Variants in RSPH6A observed in about 807,000 individuals in gnomAD.
RSPH6A encodes radial spoke head protein 6 homolog A.
RSPH6A carries 49 observed loss-of-function variants against 66.1 expected under a neutral mutation model. The observed-to-expected ratio is 0.74, with a 90% CI of 0.59 to 0.94. The LOEUF (loss-of-function observed/expected upper bound fraction) is 0.94, where lower values mean the gene tolerates loss of function less well. RSPH6A is among the 40% of genes least tolerant of loss of function. RSPH6A has a pLI of 0.00. For missense variants in RSPH6A, 977 were observed against 948.3 expected (o/e 1.03, Z -0.40); for synonymous variants, 419 against 402.4 (o/e 1.04, Z -0.49).
chr19:45,804,171 G>C lies in RSPH6A; in HGVS notation c.1653+81C>G, dbSNP rs1347519676. Reference sequence around the variant, plus strand: ...ATATTAGTTGCCCAGCAGAGAGTAAGAGCTTGATGTCAGTATTGCAGGGTC... The same window carrying C: ...ATATTAGTTGCCCAGCAGAGAGTAACAGCTTGATGTCAGTATTGCAGGGTC... On this transcript the variant is annotated intron_variant, in intron 3 of 5. Transcript: ENST00000221538. The surrounding 1 kb of genome is among the most constrained non-coding windows in gnomAD (Gnocchi z 5.8). 2 of 1,108,680 alleles carry C rather than the reference G, an allele frequency of 1.8e-6. No individual in the cohort carries two copies. The highest frequency in any genetic ancestry group is 2.4e-5 in the East Asian group (1 of 42,000). The allele number at this position is 1,108,680 out of a possible 1,614,324, so 68.7% of individuals were successfully genotyped here. A position where few individuals can be genotyped will look rare whatever the true frequency, so the allele number is the denominator to read the frequency against.
At position 45,795,867 on chromosome 19, in the gene RSPH6A, C is replaced by G. The variant is rs775888978; in HGVS notation, c.*2G>C. On this transcript the variant is annotated 3_prime_UTR_variant, in exon 6 of 6. Transcript: ENST00000221538. ...TTGGGGAAAGTGGCTAGAGGGTGGG[C>G]CTCAGTCATCTGTCTCCTCGCCCTC... is the stretch of plus-strand genomic sequence containing the variant. 1 of 1,339,980 alleles carries G rather than the reference C, an allele frequency of 7.5e-7. No individual in the cohort carries two copies. The highest frequency in any genetic ancestry group is 1.6e-5 in the African/African-American group (1 of 63,086). The allele number at this position is 1,339,980 out of a possible 1,614,324, so 83.0% of individuals were successfully genotyped here.
At chr19:45,809,886 A>G (rs1215605890) in intron 2 of RSPH6A, among the ~76,000 whole-genome samples, 1 of 152,246 alleles carries the variant, frequency 6.6e-6, no homozygotes, top group African/African-American at 2.4e-5. Context: ...GAGAGAAATA[A>G]GAGCCTTGCC....
chr19:45,812,160 T>C lies in RSPH6A; in HGVS notation c.651-1320A>G, dbSNP rs1019623130. 4.6e-5 allele frequency among the ~76,000 whole-genome samples: 7 copies of C among 151,944 alleles called. No homozygotes were observed. In the East Asian group the frequency reaches 1.4e-3, roughly 29 times the overall value. ...AGGCTGGAGTGCAGTGGCTCGGTCT[T>C]GGCTCACTGCAACCTCTGGTTCCCG... On this transcript the variant is annotated intron_variant, in intron 1 of 5. Transcript: ENST00000221538.
At position 45,814,714 on chromosome 19, in the gene RSPH6A, C is replaced by T. The variant is rs1416970485; in HGVS notation, c.463G>A (p.Asp155Asn). ...TGCTGGGCACCTTCAGAGAACTGGT[C>T]TGTCTGGTAGAGGTTGAACTGGCCC... is the stretch of plus-strand genomic sequence containing the variant. ...PLGQFNLYQT[D>N]QFSEGAQHGP... Residue 155 changes from aspartate (D) to asparagine (N), a missense_variant, in exon 1 of 6, where the codon GAC becomes AAC. Transcript: ENST00000221538. The T allele has an allele frequency of 1.9e-6, 3 of 1,613,406 alleles. No individual in the cohort carries two copies. The highest frequency in any genetic ancestry group is 1.7e-6 in the Non-Finnish European group (2 of 1,179,662).
Position 45,815,286 on chromosome 19 carries a change from T to C in RSPH6A, c.-110A>G. ...TCTGAGCACCGAGAGAGGGGGCCGT[T>C]ACCCGTGGAGGGCGCGGGGAGCGGG... On this transcript the variant is annotated 5_prime_UTR_variant, in exon 1 of 6. Coordinates refer to ENST00000221538, the MANE Select transcript of RSPH6A (RefSeq NM_030785.4). 1 of 1,284,974 alleles carries C rather than the reference T, an allele frequency of 7.8e-7. No homozygotes were observed. The highest frequency in any genetic ancestry group is 1.0e-6 in the Non-Finnish European group (1 of 960,448). 79.6% of individuals were successfully genotyped at this position (1,284,974 alleles called of 1,614,324 possible). A position where few individuals can be genotyped will look rare whatever the true frequency, so the allele number is the denominator to read the frequency against.
intron 2 of RSPH6A, 30 bp from the exon 3 acceptor site, chr19:45,805,046 G>C: frequency 1.3e-6 from 2 of 1,557,518 alleles, no homozygotes; most frequent in Non-Finnish European, 1.7e-6. Flanking sequence ...GGGCAGAGGG[G>C]AGAATGCTGA....
chr19:45,810,459 C>T, intron 2 of RSPH6A, 144 bp downstream of exon 2: 1 of 800,598 alleles, frequency 1.2e-6, no homozygotes, highest in South Asian at 1.6e-5. Context: ...TGTAAGCCAC[C>T]CCATCCTGCC....
Position 45,814,580 on chromosome 19 carries a change from C to T in RSPH6A, c.597G>A (p.Val199=), listed in dbSNP as rs1279591983. ...VPEPEPLELA[V]QNAKAYLLQT... ...GCAGCAGGTAGGCCTTGGCGTTCTG[C>T]ACGGCCAGCTCCAGAGGCTCGGGCT... is the stretch of plus-strand genomic sequence containing the variant. The change falls in exon 1 of 6, where the codon GTG becomes GTA. Residue 199 remains valine, a synonymous_variant. Transcript: ENST00000221538. The T allele has an allele frequency of 3.2e-6, 5 of 1,548,318 alleles. No individual in the cohort carries two copies. The highest frequency in any genetic ancestry group is 3.5e-6 in the Non-Finnish European group (4 of 1,149,196).
chr19:45,802,257 C>A lies in RSPH6A; in HGVS notation c.1661G>T (p.Cys554Phe). Residue 554 changes from cysteine to phenylalanine, a missense_variant, in exon 4 of 6, where the codon TGC becomes TTC. Coordinates refer to ENST00000221538, the MANE Select transcript of RSPH6A (RefSeq NM_030785.4). ...CTTCTGCAAAGGGTTCACCCAAGTG[C>A]AGCGGCCCTGGGGGTGGGGGGAAGC... ...HTQHILPQGR[C>F]TWVNPLQKTE... is the part of the protein sequence containing the mutation. 1 of 1,425,188 alleles carries A rather than the reference C, an allele frequency of 7.0e-7. No homozygotes were observed. Among genetic ancestry groups the A allele is most frequent in the South Asian group, 1.6e-5 (1 of 62,658 alleles). The allele number at this position is 1,425,188 out of a possible 1,614,324, so 88.3% of individuals were successfully genotyped here. A position where few individuals can be genotyped will look rare whatever the true frequency, so the allele number is the denominator to read the frequency against.
At position 45,804,447 on chromosome 19, in the gene RSPH6A, G is replaced by A. The variant is rs1970513198; in HGVS notation, c.1458C>T (p.Ala486=). 1 of 1,613,928 alleles carries A rather than the reference G, an allele frequency of 6.2e-7. No individual in the cohort carries two copies. Among genetic ancestry groups the A allele is most frequent in the African/African-American group, 1.3e-5 (1 of 74,896 alleles). Residue 486 remains alanine (A), a synonymous_variant, in exon 3 of 6, where the codon GCC becomes GCT. Coordinates refer to ENST00000221538, the MANE Select transcript of RSPH6A (RefSeq NM_030785.4). The surrounding 1 kb of genome is among the most constrained non-coding windows in gnomAD (Gnocchi z 5.8). ...TGACCTGCGTGGCGGCCGAGATGCG[G>A]GCTATCTGGGCCCGCAGGTAGTTGG... ...NEANYLRAQI[A]RISAATQVSP...
intron 2 of RSPH6A, among the ~76,000 whole-genome samples, chr19:45,805,566 C>A (rs1970533384): frequency 6.6e-6 from 1 of 152,098 alleles, no homozygotes; most frequent in African/African-American, 2.4e-5. Context: ...ATGGCAGGCA[C>A]CTGTAATCCT....
At chr19:45,813,635 G>A (rs992150160) in intron 1 of RSPH6A, among the ~76,000 whole-genome samples, 2 of 152,200 alleles carry the variant, frequency 1.3e-5, no homozygotes, top group Non-Finnish European at 2.9e-5. Context: ...GTGAGCCACC[G>A]CACCTGGTTG....
At position 45,814,576 on chromosome 19, in the gene RSPH6A, T is replaced by C. The variant is rs754042823; in HGVS notation, c.601A>G (p.Asn201Asp). 5 of 1,543,712 alleles carry C rather than the reference T, an allele frequency of 3.2e-6. No homozygotes were observed. The highest frequency in any genetic ancestry group is 4.1e-5 in the Admixed American group (2 of 49,140). ...EPEPLELAVQ[N>D]AKAYLLQTSI... ...GTCTGCAGCAGGTAGGCCTTGGCGT[T>C]CTGCACGGCCAGCTCCAGAGGCTCG... Residue 201 changes from asparagine to aspartate, a missense_variant, in exon 1 of 6, where the codon AAC (asparagine) becomes GAC (aspartate). Asn to Asp is a conservative substitution (Grantham distance 23). Coordinates refer to ENST00000221538, the MANE Select transcript of RSPH6A (RefSeq NM_030785.4).
At chr19:45,807,963 G>A (rs1265580500) in intron 2 of RSPH6A, among the ~76,000 whole-genome samples, 4 of 152,164 alleles carry the variant, frequency 2.6e-5, no homozygotes, top group African/African-American at 9.7e-5. Flanking sequence ...ACCAGTCCTA[G>A]ACTACACCTG....
intron 2 of RSPH6A, among the ~76,000 whole-genome samples, chr19:45,807,734 C>T (rs1276428871): frequency 6.6e-6 from 1 of 151,974 alleles, no homozygotes; most frequent in African/African-American, 2.4e-5. Context: ...TGGTCTCGAA[C>T]TCCTGACCTC....
At chr19:45,810,882 A>C in intron 1 of RSPH6A, 42 bp from the exon 2 acceptor site, 2 of 1,512,340 alleles carry the variant, frequency 1.3e-6, no homozygotes, top group Non-Finnish European at 1.8e-6. Flanking sequence ...GACCTCACTC[A>C]CTCAGCTCAC....
At chr19:45,803,930 TTGCAGTGAGCCGAGA>T (rs1193595450) in intron 3 of RSPH6A, among the ~76,000 whole-genome samples, 6 of 147,634 alleles carry the variant, frequency 4.1e-5, no homozygotes, top group African/African-American at 7.5e-5. Flanking sequence ...GAGGTGGAGG[TTGCAGTGAGCCGAGA>T]TCGTACCACT....
intron 4 of RSPH6A, among the ~76,000 whole-genome samples, chr19:45,801,241 GCT>G (rs1970470534): frequency 1.3e-5 from 2 of 152,198 alleles, no homozygotes; most frequent in African/African-American, 2.4e-5. Flanking sequence ...CAGCACACCT[GCT>G]GCAGTGCCTG....
chr19:45,805,110 A>G, intron 2 of RSPH6A, 94 bp from the exon 3 acceptor site: 2 of 1,151,590 alleles, frequency 1.7e-6, no homozygotes, highest in Non-Finnish European at 2.4e-6. Flanking sequence ...AAGAGAGCTA[A>G]AAGAGGCCGG....
Sources: allele counts gnomAD v4.1 joint callset (sites outside exome capture counted in the v4.1 genomes callset), GRCh38; gene constraint gnomAD v4.1.1; non-coding constraint Gnocchi (gnomAD v3.1); transcripts MANE v1.5; gene names NCBI Gene and HGNC (gene_info 2026-07-23, HGNC 2026-07-21).